The following IGSF11 variants were observed in gnomAD, a reference collection of about 807,000 sequenced individuals.
The protein encoded by IGSF11 is immunoglobulin superfamily member 11.
Under a neutral mutation model 41.0 loss-of-function variants are expected in IGSF11, and 22 were observed. That is an observed-to-expected ratio of 0.54 (90% CI 0.38 to 0.77). IGSF11 has a LOEUF of 0.77. Ranked by LOEUF, IGSF11 falls within the 30% of genes least tolerant of loss-of-function variation. The pLI is 0.00. For synonymous variants in IGSF11, 219 were observed against 201.3 expected (o/e 1.09, Z -0.74); for missense variants, 444 against 530.8 (o/e 0.84, Z 1.61).
chr3:118,935,311 T>C (rs1301858914), intron 1 of IGSF11, among the ~76,000 whole-genome samples: 2 of 142,098 alleles, frequency 1.4e-5, no homozygotes, highest in African/African-American at 2.6e-5. Context: ...CATATATATA[T>C]ATATATATGT....
At chr3:118,982,963 G>A (rs1934889062) in intron 1 of IGSF11, among the ~76,000 whole-genome samples, 1 of 152,150 alleles carries the variant, frequency 6.6e-6, no homozygotes, top group African/African-American at 2.4e-5. Flanking sequence ...ATCTCAACAT[G>A]CAGCCTCCAC....
chr3:118,957,959 C>T (rs6772441), intron 1 of IGSF11, among the ~76,000 whole-genome samples: 11,846 of 152,206 alleles, frequency 0.078, 656 homozygotes, highest in Admixed American at 0.16. Context: ...TCCAATTTGA[C>T]TAGGAAGACA....
intron 1 of IGSF11, among the ~76,000 whole-genome samples, chr3:118,961,051 CT>C (rs1309136077): frequency 6.6e-6 from 1 of 152,196 alleles, no homozygotes; most frequent in East Asian, 1.9e-4. Context: ...AAGACAGTCT[CT>C]TAGAGCTCCA....
At chr3:119,040,356 C>A (rs1378558596) in intron 1 of IGSF11, among the ~76,000 whole-genome samples, 2 of 152,198 alleles carry the variant, frequency 1.3e-5, no homozygotes, top group Non-Finnish European at 2.9e-5. Flanking sequence ...TCCTTAAAAA[C>A]TCTGCTCCCT....
intron 1 of IGSF11, among the ~76,000 whole-genome samples, chr3:119,043,525 G>T (rs1117003): frequency 0.23 from 35,018 of 151,958 alleles, 6,078 homozygotes; most frequent in African/African-American, 0.48. Flanking sequence ...TTCCATTGCC[G>T]GCAACACCCT....
intron 2 of IGSF11, among the ~76,000 whole-genome samples, chr3:118,929,367 G>A (rs115700491): frequency 2.9e-4 from 44 of 152,202 alleles, no homozygotes; most frequent in Non-Finnish European, 3.2e-4. Context: ...TCTTGAAGGC[G>A]GAGTCTAACT....
chr3:119,098,163 T>C (rs952130388), intron 1 of IGSF11, among the ~76,000 whole-genome samples: 4 of 151,984 alleles, frequency 2.6e-5, no homozygotes, highest in Admixed American at 2.6e-4. Flanking sequence ...TGATGAAGTA[T>C]GCAGGTGTAT....
In IGSF11 at chr3:119,007,897, G is replaced by A. The variant is rs1363054105; in HGVS notation, c.52+26634C>T. On this transcript the variant is annotated intron_variant, in intron 1 of 6. Transcript: ENST00000393775. ...CCTAAATATGTAGTTCACTTCCATT[G>A]CCTCCTCCTTCTTCCCTCAGAAAAT... 3.3e-5 allele frequency among the ~76,000 whole-genome samples: 5 copies of A among 151,884 alleles called. No homozygotes were observed. The East Asian group carries it at 9.6e-4, about 29-fold the overall frequency.
chr3:118,963,093 G>C (rs1004180659), intron 1 of IGSF11, among the ~76,000 whole-genome samples: 5 of 152,124 alleles, frequency 3.3e-5, no homozygotes, highest in African/African-American at 1.2e-4. Context: ...TCTGGGCTCT[G>C]GTGAACTATA....
At chr3:119,004,397 TC>T (rs1937257206) in intron 1 of IGSF11, among the ~76,000 whole-genome samples, 1 of 151,764 alleles carries the variant, frequency 6.6e-6, no homozygotes, top group Non-Finnish European at 1.5e-5. Flanking sequence ...ATTTTGTTGA[TC>T]CTTTCAAAAA....
intron 1 of IGSF11, among the ~76,000 whole-genome samples, chr3:119,045,839 G>GA (rs1352254335): frequency 6.6e-6 from 1 of 151,818 alleles, no homozygotes; most frequent in Non-Finnish European, 1.5e-5. Context: ...CCTGACCCCT[G>GA]ACCCCCGAGC....
chr3:118,979,710 T>C (rs1483369866), intron 1 of IGSF11, among the ~76,000 whole-genome samples: 3 of 152,056 alleles, frequency 2.0e-5, no homozygotes, highest in Admixed American at 6.6e-5. Flanking sequence ...AGCTTCTGCA[T>C]AACAAAAGAA....
At chr3:118,913,813 G>A (rs1271091477) in intron 4 of IGSF11, among the ~76,000 whole-genome samples, 2 of 152,082 alleles carry the variant, frequency 1.3e-5, no homozygotes, top group African/African-American at 4.8e-5. Flanking sequence ...AAGGAGAAAA[G>A]TTAAAAATAA....
chr3:119,018,831 A>G (rs1245196847), intron 1 of IGSF11, among the ~76,000 whole-genome samples: 28 of 152,220 alleles, frequency 1.8e-4, no homozygotes, highest in Non-Finnish European at 1.5e-5. Flanking sequence ...AGAGGCATGC[A>G]GAAGTGCTGG....
At chr3:119,014,822 T>C (rs1938511624) in intron 1 of IGSF11, among the ~76,000 whole-genome samples, 2 of 152,184 alleles carry the variant, frequency 1.3e-5, no homozygotes, top group Admixed American at 6.5e-5. Context: ...GACAGCTACA[T>C]AAAATTTCAC....
At chr3:119,008,270 C>T (rs577668429) in intron 1 of IGSF11, among the ~76,000 whole-genome samples, 3 of 152,142 alleles carry the variant, frequency 2.0e-5, no homozygotes, top group Non-Finnish European at 2.9e-5. Context: ...CGGGAATATA[C>T]CAAGAGATCA....
chr3:119,014,151 T>C (rs1008410053), intron 1 of IGSF11, among the ~76,000 whole-genome samples: 2 of 152,188 alleles, frequency 1.3e-5, no homozygotes, highest in Admixed American at 1.3e-4. Flanking sequence ...TTTTAAAGCA[T>C]GTATTTCTAA....
intron 1 of IGSF11, among the ~76,000 whole-genome samples, chr3:119,003,505 A>T (rs1211024005): frequency 6.6e-6 from 1 of 151,066 alleles, no homozygotes; most frequent in Non-Finnish European, 1.5e-5. Flanking sequence ...AACTTCCAAC[A>T]CTATGTTGAA....
At chr3:119,001,797 G>T (rs1003604225) in intron 1 of IGSF11, among the ~76,000 whole-genome samples, 11 of 146,448 alleles carry the variant, frequency 7.5e-5, no homozygotes, top group Admixed American at 3.4e-4. Flanking sequence ...CAAAGGACAT[G>T]AACTCATCAT....
Sources: gnomAD v4.1 joint callset for allele counts (sites outside exome capture counted in the v4.1 genomes callset) on GRCh38, gnomAD v4.1.1 for gene constraint, MANE v1.5 for transcripts, NCBI Gene and HGNC (gene_info 2026-07-23, HGNC 2026-07-21) for gene names.